Variants in SMARCAD1 observed in about 807,000 individuals in gnomAD.
SMARCAD1 encodes the protein SWI/SNF-related matrix-associated actin-dependent regulator of chromatin subfamily A containing DEAD/H box 1.
Under a neutral mutation model 127.1 loss-of-function variants are expected in SMARCAD1, and 25 were observed. The ratio of observed to expected loss-of-function variants is 0.20; its 90% CI spans 0.14 to 0.27. SMARCAD1 has a LOEUF of 0.27. Among genes scored for constraint, SMARCAD1 ranks in the 10% least tolerant of loss-of-function variants. SMARCAD1 has a pLI of 1.00. For synonymous variants in SMARCAD1, 400 were observed against 396.9 expected, an observed-to-expected ratio of 1.01 and a Z score of -0.09; for missense variants, 807 against 1,206.0, an observed-to-expected ratio of 0.67 and a Z score of 4.90.
chr4:94,235,712 G>A (rs1746556314), intron 4 of SMARCAD1, among the ~76,000 whole-genome samples: 1 of 150,854 alleles, frequency 6.6e-6, no homozygotes, highest in African/African-American at 2.4e-5. Flanking sequence ...CAGTAATAAG[G>A]AAAGAGCTTC....
rs951213276 is a variant in SMARCAD1 at position 94,290,534 on chromosome 4, A to G, written c.*1000A>G. On this transcript the variant is annotated 3_prime_UTR_variant, in exon 24 of 24. Coordinates refer to ENST00000354268, the MANE Select transcript of SMARCAD1 (RefSeq NM_020159.5). ...CATGGAAATAGGTCATTAACTTGAA[A>G]CTCTTATCAAAATATATTTTACCAG... 36 of 454,164 alleles carry G rather than the reference A, an allele frequency of 7.9e-5. No homozygotes were observed. The highest frequency in any genetic ancestry group is 1.5e-4 in the Non-Finnish European group (33 of 226,704). 28.1% of individuals were successfully genotyped at this position (454,164 alleles called of 1,614,324 possible).
At position 94,243,960 on chromosome 4, in the gene SMARCAD1, T is replaced by C. The variant is rs1288494944; in HGVS notation, c.705+2954T>C. Among the ~76,000 whole-genome samples, 39 of 152,052 alleles carry C rather than the reference T, an allele frequency of 2.6e-4. 1 individual carries two copies. Among genetic ancestry groups the C allele is most frequent in the Non-Finnish European group, 4.4e-5 (3 of 67,998 alleles). Reference sequence around the variant, plus strand: ...TGAAACAAGAAAACATTTGGAAAGATAAAAACATAACGATACATCCCAAGC... The same window carrying C: ...TGAAACAAGAAAACATTTGGAAAGACAAAAACATAACGATACATCCCAAGC... On this transcript the variant is annotated intron_variant, in intron 6 of 23. Coordinates refer to ENST00000354268, the MANE Select transcript of SMARCAD1 (RefSeq NM_020159.5).
intron 5 of SMARCAD1, among the ~76,000 whole-genome samples, chr4:94,239,483 C>T: frequency 6.6e-6 from 1 of 151,012 alleles, no homozygotes; most frequent in East Asian, 1.9e-4. Flanking sequence ...AATGTATATC[C>T]AAAGTTTTTA....
At chr4:94,255,794 A>G (rs1749989220) in intron 9 of SMARCAD1, among the ~76,000 whole-genome samples, 1 of 151,958 alleles carries the variant, frequency 6.6e-6, no homozygotes, top group African/African-American at 2.4e-5. Flanking sequence ...CAGCTTTATA[A>G]TCATTTATTA....
At chr4:94,227,968 A>T (rs1438528721) in intron 3 of SMARCAD1, among the ~76,000 whole-genome samples, 1 of 152,152 alleles carries the variant, frequency 6.6e-6, no homozygotes, top group East Asian at 1.9e-4. Context: ...AATCAGGGAG[A>T]TGAGAAGAAA....
chr4:94,276,289 C>A, intron 14 of SMARCAD1, 50 bp from the exon 15 acceptor site: 5 of 1,606,912 alleles, frequency 3.1e-6, no homozygotes, highest in Non-Finnish European at 3.4e-6. Flanking sequence ...TCACTAGACT[C>A]CAAGCTCTTA....
At position 94,252,765 on chromosome 4, in the gene SMARCAD1, A is replaced by C. The variant is rs1315375597; in HGVS notation, c.1039A>C (p.Asn347His). ...QNGFNKKRKK[N>H]VFNPKRVVED... ...TGGCTTTAACAAGAAACGTAAAAAAAATGTTTTTAATCCAAAGAGAGTTGT... is the reference window on the plus strand; with the variant it reads ...TGGCTTTAACAAGAAACGTAAAAAACATGTTTTTAATCCAAAGAGAGTTGT... Residue 347 changes from asparagine to histidine, a missense_variant, in exon 9 of 24, where the codon AAT becomes CAT. By Grantham distance (68) the Asn-to-His change is moderately conservative (BLOSUM62 1). Transcript: ENST00000354268. 2 of 1,609,632 alleles carry C rather than the reference A, an allele frequency of 1.2e-6. No homozygotes were observed. The highest frequency in any genetic ancestry group is 1.7e-6 in the Non-Finnish European group (2 of 1,178,996).
At chr4:94,253,413 A>C (rs886637489) in intron 9 of SMARCAD1, 11 of 1,244,822 alleles carry the variant, frequency 8.8e-6, no homozygotes, top group African/African-American at 7.8e-5. Flanking sequence ...CTACTTGAAG[A>C]GCAATAGCAA....
intron 10 of SMARCAD1, among the ~76,000 whole-genome samples, chr4:94,266,586 A>G (rs534324329): frequency 1.8e-4 from 28 of 152,084 alleles, no homozygotes; most frequent in Non-Finnish European, 3.5e-4. Flanking sequence ...TAAGAGTTGC[A>G]TAAGCAATTT....
chr4:94,249,694 G>T lies in SMARCAD1; in HGVS notation c.746G>T (p.Trp249Leu). 2 of 1,609,538 alleles carry T rather than the reference G, an allele frequency of 1.2e-6. No individual in the cohort carries two copies. Among genetic ancestry groups the T allele is most frequent in the Non-Finnish European group, 1.7e-6 (2 of 1,176,472 alleles). The change falls in exon 7 of 24, where the codon TGG (tryptophan) becomes TTG (leucine). Residue 249 changes from tryptophan (W) to leucine (L), a missense_variant. Physicochemically the swap from Trp to Leu is moderately conservative, Grantham distance 61 (BLOSUM62 -2). Transcript: ENST00000354268. ...SNESAESSSN[W>L]EKQESIVLKL... ...GAGTCTGCAGAATCTAGCAGTAATT[G>T]GGAAAAGCAGGAAAGTATTGTACTG...
chr4:94,262,033 T>C (rs148680809), intron 9 of SMARCAD1, among the ~76,000 whole-genome samples: 5 of 152,350 alleles, frequency 3.3e-5, no homozygotes, highest in African/African-American at 1.2e-4. Flanking sequence ...CTTCTAAATG[T>C]TGGTGTTCTT....
chr4:94,227,264 A>G (rs568356518), intron 3 of SMARCAD1, among the ~76,000 whole-genome samples: 1 of 152,224 alleles, frequency 6.6e-6, no homozygotes, highest in East Asian at 1.9e-4. Context: ...GATGAGATGA[A>G]GGAGGGGCTT....
At chr4:94,258,938 T>C (rs561213288) in intron 9 of SMARCAD1, among the ~76,000 whole-genome samples, 4 of 152,380 alleles carry the variant, frequency 2.6e-5, no homozygotes, top group African/African-American at 9.6e-5. Flanking sequence ...CTAGCCATAT[T>C]GAATCAAACT....
chr4:94,218,798 TTA>T (rs940566231), intron 2 of SMARCAD1, among the ~76,000 whole-genome samples: 4 of 152,208 alleles, frequency 2.6e-5, no homozygotes, highest in Non-Finnish European at 5.9e-5. Context: ...ACTACAGATT[TTA>T]TAGTCTATTG....
intron 23 of SMARCAD1, among the ~76,000 whole-genome samples, chr4:94,285,494 T>TATTTAA (rs1754807833): frequency 6.6e-6 from 1 of 152,220 alleles, no homozygotes; most frequent in African/African-American, 2.4e-5. Flanking sequence ...CTTCTGCATC[T>TATTTAA]TTTCTTATTT....
At position 94,289,883 on chromosome 4, in the gene SMARCAD1, T is replaced by C; in HGVS notation, c.*349T>C. ...TTATTTCTACCTCCAAATATATATA[T>C]ATTGTCTTTCACTGGATAATGTGTG... On this transcript the variant is annotated 3_prime_UTR_variant, in exon 24 of 24. Coordinates refer to ENST00000354268, the MANE Select transcript of SMARCAD1 (RefSeq NM_020159.5). 1 of 460,984 alleles carries C rather than the reference T, an allele frequency of 2.2e-6. No individual in the cohort carries two copies. The highest frequency in any genetic ancestry group is 4.3e-6 in the Non-Finnish European group (1 of 232,234). 28.6% of individuals were successfully genotyped at this position (460,984 alleles called of 1,614,324 possible).
chr4:94,237,965 G>A (rs1746955994), intron 5 of SMARCAD1, among the ~76,000 whole-genome samples: 1 of 152,076 alleles, frequency 6.6e-6, no homozygotes, highest in Non-Finnish European at 1.5e-5. Context: ...GGTTATGCCA[G>A]TTTATGCTTT....
intron 10 of SMARCAD1, among the ~76,000 whole-genome samples, chr4:94,269,111 T>C (rs1344885940): frequency 2.0e-5 from 3 of 152,240 alleles, no homozygotes; most frequent in African/African-American, 2.4e-5. Context: ...CCTATACTTT[T>C]AGTTGTATTA....
chr4:94,276,150 G>A (rs1158155592), intron 14 of SMARCAD1, among the ~76,000 whole-genome samples, 189 bp from the exon 15 acceptor site: 1 of 151,984 alleles, frequency 6.6e-6, no homozygotes, highest in African/African-American at 2.4e-5. Context: ...TGGTTACAGT[G>A]TACATCAATA....
Sources: gnomAD v4.1 joint callset for allele counts (sites outside exome capture counted in the v4.1 genomes callset) on GRCh38, gnomAD v4.1.1 for gene constraint, MANE v1.5 for transcripts, NCBI Gene and HGNC (gene_info 2026-07-23, HGNC 2026-07-21) for gene names.